Variants in ALG8 observed in about 807,000 individuals in gnomAD.
ALG8 encodes the protein ALG8 alpha-1,3-glucosyltransferase, also known as dolichyl pyrophosphate Glc1Man9GlcNAc2 alpha-1,3-glucosyltransferase.
In ALG8, 48 loss-of-function variants were observed where a neutral mutation model predicts 70.2. The observed-to-expected ratio is 0.68, with a 90% CI of 0.54 to 0.87. ALG8 has a LOEUF of 0.87. Ranked by LOEUF, ALG8 falls within the 40% of genes least tolerant of loss-of-function variation. The pLI is 0.00. For missense variants in ALG8, 572 were observed against 608.7 expected (o/e 0.94, Z 0.64); for synonymous variants, 234 against 229.0 (o/e 1.02, Z -0.20).
chr11:78,103,655 C>T (rs1272856459), intron 12 of ALG8, among the ~76,000 whole-genome samples: 1 of 152,102 alleles, frequency 6.6e-6, no homozygotes, highest in Non-Finnish European at 1.5e-5. Context: ...AAAATTTGTA[C>T]ATAGTATCTT....
Position 78,108,932 on chromosome 11 carries a change from C to T in ALG8, c.1038+510G>A, listed in dbSNP as rs918460673. ...AATGAAATTTTAGAAATTAAAGTTT[C>T]TAAAGTACTTAGAATGAGGCCTCTA... On this transcript the variant is annotated intron_variant, in intron 9 of 12. Transcript: ENST00000299626. Among the ~76,000 whole-genome samples the T allele has an allele frequency of 2.6e-5, 4 of 152,164 alleles. No individual in the cohort carries two copies. The South Asian group carries it at 8.3e-4, about 32-fold the overall frequency.
intron 4 of ALG8, 71 bp downstream of exon 4, chr11:78,120,994 A>G: frequency 7.3e-7 from 1 of 1,366,272 alleles, no homozygotes; most frequent in South Asian, 1.2e-5. Context: ...TCATTATTAT[A>G]GAAAACATTA....
chr11:78,109,445 T>C lies in ALG8; in HGVS notation c.1035A>G (p.Ile345Met). The C allele has an allele frequency of 6.2e-7, 1 of 1,614,122 alleles. No individual in the cohort carries two copies. Among genetic ancestry groups the C allele is most frequent in the Admixed American group, 1.7e-5 (1 of 60,004 alleles). The stretch of plus-strand genomic sequence containing the variant: ...GCACCATCTGTTGAGTTCTTACCAA[T>C]ATGGCAATCAGTGTGCAGATGAGGG... The part of the protein sequence containing the change: ...LATLICTLIA[I>M]LPSIFCLWFK... Residue 345 changes from isoleucine (I) to methionine (M), a missense_variant, in exon 9 of 13, where the codon ATA becomes ATG. Ile to Met is a conservative substitution (Grantham distance 10, BLOSUM62 1). Coordinates refer to ENST00000299626, the MANE Select transcript of ALG8 (RefSeq NM_024079.5).
At chr11:78,127,766 G>A (rs563826171) in intron 1 of ALG8, among the ~76,000 whole-genome samples, 15 of 148,600 alleles carry the variant, frequency 1.0e-4, no homozygotes, top group African/African-American at 2.8e-4. Context: ...CTGGAGTGTA[G>A]TGGACCCATC....
At chr11:78,101,593 T>C (rs1859800861) in intron 12 of ALG8, among the ~76,000 whole-genome samples, 1 of 152,244 alleles carries the variant, frequency 6.6e-6, no homozygotes, top group African/African-American at 2.4e-5. Context: ...CACTCTAGCC[T>C]GGGCGACAGA....
At chr11:78,105,095 T>C (rs975741515) in intron 10 of ALG8, among the ~76,000 whole-genome samples, 2 of 152,176 alleles carry the variant, frequency 1.3e-5, no homozygotes, top group African/African-American at 4.8e-5. Flanking sequence ...TCCAACCCTA[T>C]AGCTCATCTC....
intron 1 of ALG8, among the ~76,000 whole-genome samples, chr11:78,128,239 G>GA (rs1861161537): frequency 6.6e-6 from 1 of 152,094 alleles, no homozygotes; most frequent in South Asian, 2.1e-4. Flanking sequence ...CCTATCTTTA[G>GA]AAAAAATCTT....
intron 3 of ALG8, among the ~76,000 whole-genome samples, chr11:78,122,705 C>G (rs1333416624): frequency 2.6e-5 from 4 of 152,038 alleles, no homozygotes; most frequent in Non-Finnish European, 5.9e-5. Flanking sequence ...ATTTCCTCTC[C>G]CTTTGTGCTT....
chr11:78,104,598 T>A, intron 10 of ALG8, 145 bp from the exon 11 acceptor site: 1 of 713,488 alleles, frequency 1.4e-6, no homozygotes, highest in Non-Finnish European at 2.3e-6. Flanking sequence ...TAGTTGAGAA[T>A]ATTAATTTTT....
intron 4 of ALG8, among the ~76,000 whole-genome samples, chr11:78,119,804 T>C (rs1860741285): frequency 6.6e-6 from 1 of 152,158 alleles, no homozygotes; most frequent in Admixed American, 6.6e-5. Flanking sequence ...GTCAGATCTT[T>C]AATTGAAACT....
At chr11:78,104,491 A>G in intron 10 of ALG8, 38 bp from the exon 11 acceptor site, 1 of 1,525,838 alleles carries the variant, frequency 6.6e-7, no homozygotes, top group Non-Finnish European at 8.9e-7. Flanking sequence ...AACAACTGTT[A>G]TTACACTTGC....
chr11:78,134,897 A>G (rs1861475874), intron 1 of ALG8, among the ~76,000 whole-genome samples: 1 of 152,236 alleles, frequency 6.6e-6, no homozygotes, highest in Non-Finnish European at 1.5e-5. Flanking sequence ...TAATTCTTCC[A>G]AACTCTTGTT....
chr11:78,119,056 A>G, intron 5 of ALG8, 126 bp downstream of exon 5: 1 of 702,902 alleles, frequency 1.4e-6, no homozygotes, highest in Non-Finnish European at 2.5e-6. Flanking sequence ...ACCTAATAAA[A>G]GTGTCTATCG....
At chr11:78,110,925 A>C (rs1860258945) in intron 8 of ALG8, among the ~76,000 whole-genome samples, 1 of 152,218 alleles carries the variant, frequency 6.6e-6, no homozygotes, top group South Asian at 2.1e-4. Context: ...CAAACATACA[A>C]GTGAGGGTAC....
rs1218835499 is a variant in ALG8 at position 78,101,164 on chromosome 11, T to C, written c.1381A>G (p.Thr461Ala). The change falls in exon 13 of 13, where the codon ACT becomes GCT. Residue 461 changes from threonine to alanine, a missense_variant. Coordinates refer to ENST00000299626, the MANE Select transcript of ALG8 (RefSeq NM_024079.5). Reference protein sequence around the residue: ...KEKPLFNWMETFYLLGLGPLE... With the variant: ...KEKPLFNWMEAFYLLGLGPLE... ...GGCCCCAGGCCAAGCAGGTAGAAAG[T>C]TTCCATCCAATTAAAAAGAGGTTTT... 4 of 1,614,060 alleles carry C rather than the reference T, an allele frequency of 2.5e-6. No individual in the cohort carries two copies. Among genetic ancestry groups the C allele is most frequent in the Non-Finnish European group, 3.4e-6 (4 of 1,179,980 alleles).
rs530518947 is a variant in ALG8 at position 78,133,879 on chromosome 11, C to A, written c.95+5615G>T. On this transcript the variant is annotated intron_variant, in intron 1 of 12. Transcript: ENST00000299626. ...TAGCGCCACTGCCCTCCAGCCTGGG[C>A]GACAGAGCGAGACTCCGTCTCAAAA... Among the ~76,000 whole-genome samples the A allele has an allele frequency of 5.4e-5, 8 of 149,046 alleles. No homozygotes were observed. The South Asian group carries it at 1.5e-3, about 28-fold the overall frequency.
chr11:78,130,527 A>G (rs1174053152), intron 1 of ALG8, among the ~76,000 whole-genome samples: 4 of 152,090 alleles, frequency 2.6e-5, no homozygotes, highest in African/African-American at 9.7e-5. Context: ...CACTTCTGGT[A>G]TTTTATACTG....
In ALG8 at chr11:78,109,527, C is replaced by T. The variant is rs901605983; in HGVS notation, c.953G>A (p.Ser318Asn). 16 of 1,613,752 alleles carry T rather than the reference C, an allele frequency of 9.9e-6. No individual in the cohort carries two copies. Among genetic ancestry groups the T allele is most frequent in the Non-Finnish European group, 1.3e-5 (15 of 1,179,860 alleles). Residue 318 changes from serine (S) to asparagine (N), a missense_variant, in exon 9 of 13, where the codon AGT becomes AAT. Ser to Asn is a conservative substitution (Grantham distance 46). Coordinates refer to ENST00000299626, the MANE Select transcript of ALG8 (RefSeq NM_024079.5). ...GTGTTGGAACTGCTGAACCAAACCA[C>T]TTGTCATTGAGGCCTTGGGAATATT... ...PNNIPKASMT[S>N]GLVQQFQHTV...
intron 1 of ALG8, among the ~76,000 whole-genome samples, chr11:78,128,652 C>A (rs1277033234): frequency 6.8e-6 from 1 of 147,524 alleles, no homozygotes; most frequent in Non-Finnish European, 1.5e-5. Flanking sequence ...CGCTCTGTTG[C>A]CAGGCTGGAG....
Sources: gnomAD v4.1 joint callset for allele counts (sites outside exome capture counted in the v4.1 genomes callset) on GRCh38, gnomAD v4.1.1 for gene constraint, MANE v1.5 for transcripts, NCBI Gene and HGNC (gene_info 2026-07-23, HGNC 2026-07-21) for gene names.